Variants in FAM210A observed in about 807,000 individuals in gnomAD.
The protein encoded by FAM210A is mitochondrial inner membrane scaffold 1, also known as family with sequence similarity 210 member A.
In FAM210A, 13 loss-of-function variants were observed where a neutral mutation model predicts 25.3. The ratio of observed to expected loss-of-function variants is 0.51; its 90% CI spans 0.33 to 0.82. The LOEUF (loss-of-function observed/expected upper bound fraction) is 0.82, where lower values mean the gene tolerates loss of function less well. Ranked by LOEUF, FAM210A falls within the 40% of genes least tolerant of loss-of-function variation. The pLI is 0.02. For synonymous variants in FAM210A, 125 were observed against 118.7 expected, an observed-to-expected ratio of 1.05 and a Z score of -0.35; for missense variants, 319 against 323.2, an observed-to-expected ratio of 0.99 and a Z score of 0.10.
chr18:13,705,516 G>C (rs1043811667), intron 1 of FAM210A, among the ~76,000 whole-genome samples: 1 of 152,104 alleles, frequency 6.6e-6, no homozygotes, highest in Non-Finnish European at 1.5e-5. Context: ...CTGTCACCCA[G>C]GCTGGAGTGC....
intron 1 of FAM210A, among the ~76,000 whole-genome samples, chr18:13,699,451 C>T (rs56215661): frequency 0.029 from 4,446 of 152,112 alleles, 79 homozygotes; most frequent in Middle Eastern, 0.061. Context: ...CCAGAGCAGT[C>T]TTAAATGTCA....
rs962580340 is a variant in FAM210A at position 13,724,066 on chromosome 18, C to G, written c.-29+2263G>C. On this transcript the variant is annotated intron_variant, in intron 1 of 3. Transcript: ENST00000651643. ...GAAATCACACTTTAAAATTATACCTCTGAGAGAAGTACTCTCACTTTCTTA... is the reference window on the plus strand; with the variant it reads ...GAAATCACACTTTAAAATTATACCTGTGAGAGAAGTACTCTCACTTTCTTA... Among the ~76,000 whole-genome samples, 3 of 152,202 alleles carry G rather than the reference C, an allele frequency of 2.0e-5. No homozygotes were observed. The South Asian group carries it at 6.2e-4, about 32-fold the overall frequency.
chr18:13,668,897 A>G (rs1347383719), intron 3 of FAM210A, among the ~76,000 whole-genome samples: 1 of 152,220 alleles, frequency 6.6e-6, no homozygotes, highest in African/African-American at 2.4e-5. Flanking sequence ...GTTAACCGAA[A>G]TGCTGTTGGG....
At chr18:13,722,902 G>A (rs914255757) in intron 1 of FAM210A, among the ~76,000 whole-genome samples, 1 of 151,328 alleles carries the variant, frequency 6.6e-6, no homozygotes, top group Non-Finnish European at 1.5e-5. Flanking sequence ...GGAGTGCAGT[G>A]GTGCAATCTC....
At chr18:13,684,334 G>C (rs1007782299) in intron 1 of FAM210A, among the ~76,000 whole-genome samples, 1 of 152,102 alleles carries the variant, frequency 6.6e-6, no homozygotes, top group Non-Finnish European at 1.5e-5. Context: ...CAGAGGTGGA[G>C]GCTGCAGTGA....
At chr18:13,713,453 G>C (rs1299498105) in intron 1 of FAM210A, among the ~76,000 whole-genome samples, 1 of 151,924 alleles carries the variant, frequency 6.6e-6, no homozygotes, top group Non-Finnish European at 1.5e-5. Context: ...TCTTAAACTA[G>C]GTAAAATTCA....
chr18:13,700,352 A>G (rs889680611), intron 1 of FAM210A, among the ~76,000 whole-genome samples: 1 of 152,172 alleles, frequency 6.6e-6, no homozygotes, highest in African/African-American at 2.4e-5. Flanking sequence ...CCACTTCCCT[A>G]TAGCTGCTGA....
intron 2 of FAM210A, among the ~76,000 whole-genome samples, chr18:13,674,937 G>A (rs868190522): frequency 2.3e-5 from 1 of 43,212 alleles, no homozygotes; most frequent in South Asian, 6.8e-4. Context: ...TTCCTGAGCC[G>A]TGACTTATTT....
intron 1 of FAM210A, among the ~76,000 whole-genome samples, chr18:13,709,311 G>A (rs762018649): frequency 1.3e-5 from 2 of 152,132 alleles, no homozygotes; most frequent in Non-Finnish European, 2.9e-5. Flanking sequence ...ACCCATGACG[G>A]CATCTCTCTC....
chr18:13,686,761 G>T (rs768082901), intron 1 of FAM210A, among the ~76,000 whole-genome samples: 15 of 152,216 alleles, frequency 9.9e-5, no homozygotes, highest in Non-Finnish European at 1.8e-4. Context: ...ATTCATTAAA[G>T]AAATGGAATC....
chr18:13,698,366 A>AAT (rs1555790674), intron 1 of FAM210A, among the ~76,000 whole-genome samples: 1 of 151,196 alleles, frequency 6.6e-6, no homozygotes, highest in Admixed American at 6.6e-5. Flanking sequence ...AAAAAAAAAA[A>AAT]AAAAAATAAG....
intron 1 of FAM210A, among the ~76,000 whole-genome samples, chr18:13,723,152 T>A (rs2043910504): frequency 6.6e-6 from 1 of 152,234 alleles, no homozygotes. Context: ...ATATCTTTGT[T>A]GCCATATCAC....
At chr18:13,694,037 C>CA (rs1313897268) in intron 1 of FAM210A, among the ~76,000 whole-genome samples, 2 of 152,002 alleles carry the variant, frequency 1.3e-5, no homozygotes, top group Non-Finnish European at 2.9e-5. Context: ...CTGCAGGATA[C>CA]AAAATCAATG....
intron 1 of FAM210A, among the ~76,000 whole-genome samples, chr18:13,700,426 G>A (rs1026123688): frequency 3.3e-5 from 5 of 152,118 alleles, no homozygotes; most frequent in East Asian, 1.9e-4. Flanking sequence ...CTCTGACACC[G>A]GACCTTTTAA....
intron 1 of FAM210A, among the ~76,000 whole-genome samples, chr18:13,701,608 G>A (rs975291869): frequency 2.6e-5 from 4 of 151,880 alleles, no homozygotes; most frequent in East Asian, 1.9e-4. Flanking sequence ...CTCAATTTCT[G>A]GAAATCTAAG....
At chr18:13,671,197 C>A (rs922063619) in intron 3 of FAM210A, among the ~76,000 whole-genome samples, 1 of 152,110 alleles carries the variant, frequency 6.6e-6, no homozygotes, top group Non-Finnish European at 1.5e-5. Context: ...GAGGCCCCCC[C>A]CTTCTGTCTC....
chr18:13,707,069 C>T (rs2043783776), intron 1 of FAM210A, among the ~76,000 whole-genome samples: 1 of 152,192 alleles, frequency 6.6e-6, no homozygotes, highest in Non-Finnish European at 1.5e-5. Context: ...ATCTCTAAAA[C>T]GTCACATGGT....
In FAM210A at chr18:13,666,542, T is replaced by G; in HGVS notation, c.757A>C (p.Arg253=). 1 of 1,614,238 alleles carries G rather than the reference T, an allele frequency of 6.2e-7. No individual in the cohort carries two copies. The highest frequency in any genetic ancestry group is 8.5e-7 in the Non-Finnish European group (1 of 1,180,042). ...ITEKMEETKD[R]LTEKLQETKE... ...GTTTCTTGTAACTTTTCAGTGAGTC[T>G]ATCTTTTGTTTCTTCCATTTTCTCT... Residue 253 remains arginine (R), a synonymous_variant, in exon 4 of 4, where the codon AGA becomes CGA. Transcript: ENST00000651643.
At chr18:13,720,064 T>C (rs1365737020) in intron 1 of FAM210A, among the ~76,000 whole-genome samples, 1 of 152,210 alleles carries the variant, frequency 6.6e-6, no homozygotes, top group Non-Finnish European at 1.5e-5. Context: ...TCAGGTTGCA[T>C]AACTTGGTGG....
Sources: allele counts gnomAD v4.1 joint callset (sites outside exome capture counted in the v4.1 genomes callset), GRCh38; gene constraint gnomAD v4.1.1; transcripts MANE v1.5; gene names NCBI Gene and HGNC (gene_info 2026-07-23, HGNC 2026-07-21).